The following DLG2 variants were observed in gnomAD, a reference collection of about 807,000 sequenced individuals.
DLG2 encodes discs large MAGUK scaffold protein 2, also known as disks large homolog 2.
A neutral mutation model predicts 132.5 loss-of-function variants in DLG2; 45 were observed. The observed-to-expected ratio is 0.34, with a 90% CI of 0.27 to 0.44. The LOEUF is 0.44. DLG2 is among the 20% of genes least tolerant of loss of function. The pLI is 1.00. For missense variants in DLG2, 1,045 were observed against 1,196.9 expected, an observed-to-expected ratio of 0.87 and a Z score of 1.87; for synonymous variants, 424 against 419.6, an observed-to-expected ratio of 1.01 and a Z score of -0.13.
chr11:84,299,005 C>A (rs2098123751), intron 7 of DLG2, among the ~76,000 whole-genome samples: 1 of 152,164 alleles, frequency 6.6e-6, no homozygotes, highest in Admixed American at 6.5e-5. Context: ...ATGAGATGTT[C>A]ATAAATAAAC....
At chr11:85,260,493 G>A (rs972885106) in intron 4 of DLG2, among the ~76,000 whole-genome samples, 2 of 152,056 alleles carry the variant, frequency 1.3e-5, no homozygotes, top group Non-Finnish European at 2.9e-5. Flanking sequence ...GGTCACTTTT[G>A]GTTGTACCTC....
rs147611016 is a variant in DLG2, at chr11:84,382,906, C to T, written c.520-131615G>A. Among the ~76,000 whole-genome samples the T allele has an allele frequency of 2.4e-3, 365 of 151,852 alleles. 3 individuals carry two copies. Among genetic ancestry groups the T allele is most frequent in the Non-Finnish European group, 3.8e-3 (258 of 67,908 alleles). On this transcript the variant is annotated intron_variant, in intron 7 of 27. Transcript: ENST00000376104. Reference sequence around the variant, plus strand: ...AAAGTTCCCATATCCAGATGCTACTCTACTGCTTGAATTCAGTCTTCCATA... The same window carrying T: ...AAAGTTCCCATATCCAGATGCTACTTTACTGCTTGAATTCAGTCTTCCATA...
intron 19 of DLG2, among the ~76,000 whole-genome samples, chr11:83,562,257 TATATAGTTAAAGTGACGCTTTAACTCTTA>T (rs1358558936): frequency 2.0e-5 from 3 of 152,012 alleles, no homozygotes; most frequent in Non-Finnish European, 4.4e-5. Context: ...TATACACTCT[TATATAGTTAAAGTGACGCTTTAACTCTTA>T]GAATCAACAC....
At chr11:85,582,690 A>C (rs1346898309) in intron 3 of DLG2, among the ~76,000 whole-genome samples, 1 of 139,666 alleles carries the variant, frequency 7.2e-6, no homozygotes, top group Non-Finnish European at 1.6e-5. Context: ...AAAAAAAAAA[A>C]AAAAAAAAAA....
At chr11:84,708,434 C>T (rs926726246) in intron 6 of DLG2, among the ~76,000 whole-genome samples, 7 of 151,856 alleles carry the variant, frequency 4.6e-5, no homozygotes, top group African/African-American at 1.4e-4. Flanking sequence ...AACCTTATGA[C>T]CACTTTCTCT....
At chr11:84,862,818 G>GT (rs1555265802) in intron 6 of DLG2, among the ~76,000 whole-genome samples, 1 of 15,346 alleles carries the variant, frequency 6.5e-5, no homozygotes, top group African/African-American at 2.9e-4. Context: ...AGGTCCTGTC[G>GT]GGGGGGGGGG....
intron 8 of DLG2, among the ~76,000 whole-genome samples, chr11:84,207,081 C>CTCTCTCTA (rs148707321): frequency 1.2e-3 from 181 of 146,992 alleles, no homozygotes; most frequent in Admixed American, 3.8e-3. Context: ...CTCTCTCTCT[C>CTCTCTCTA]TATATATATA....
chr11:85,442,064 GAC>G lies in DLG2; in HGVS notation c.40+156591_40+156592del, dbSNP rs1220440047. On this transcript the variant is annotated intron_variant, in intron 3 of 27. Coordinates refer to ENST00000376104, the MANE Select transcript of DLG2 (RefSeq NM_001142699.3). ...GTAAAAGCTGTTAGGGACAAGCTGA[GAC>G]ACAATGAGCAAGGAAATAAGTGGCA... Among the ~76,000 whole-genome samples the G allele has an allele frequency of 2.6e-5, 4 of 152,006 alleles. No individual in the cohort carries two copies. In the East Asian group the frequency reaches 5.8e-4, roughly 22 times the overall value.
intron 21 of DLG2, among the ~76,000 whole-genome samples, chr11:83,511,932 G>A (rs965062490): frequency 6.6e-6 from 1 of 152,010 alleles, no homozygotes; most frequent in Non-Finnish European, 1.5e-5. Flanking sequence ...ATTTCCCTAC[G>A]TGTGTCCCTT....
intron 3 of DLG2, among the ~76,000 whole-genome samples, chr11:85,518,592 C>A (rs183585407): frequency 4.2e-4 from 64 of 152,252 alleles, no homozygotes; most frequent in African/African-American, 1.5e-3. Flanking sequence ...AAATTTGCAG[C>A]CTGACAATGT....
intron 6 of DLG2, among the ~76,000 whole-genome samples, chr11:84,576,114 A>C (rs1167103841): frequency 6.6e-6 from 1 of 152,184 alleles, no homozygotes; most frequent in Non-Finnish European, 1.5e-5. Flanking sequence ...TAAACTTATT[A>C]GCACTTTTCC....
At chr11:83,694,120 G>T (rs2081459952) in intron 18 of DLG2, among the ~76,000 whole-genome samples, 1 of 152,192 alleles carries the variant, frequency 6.6e-6, no homozygotes, top group African/African-American at 2.4e-5. Context: ...GTTAAGCAAA[G>T]CCGTGTCCCC....
chr11:84,477,762 T>C (rs999856490), intron 7 of DLG2, among the ~76,000 whole-genome samples: 3 of 152,192 alleles, frequency 2.0e-5, no homozygotes, highest in African/African-American at 7.2e-5. Flanking sequence ...ATGAACATTG[T>C]CATGTTAAAT....
At chr11:85,400,039 A>T (rs1248860262) in intron 3 of DLG2, among the ~76,000 whole-genome samples, 1 of 151,964 alleles carries the variant, frequency 6.6e-6, no homozygotes, top group Admixed American at 6.6e-5. Context: ...TCATCTGACA[A>T]AGGGCTAATA....
intron 3 of DLG2, among the ~76,000 whole-genome samples, chr11:85,418,623 C>T (rs2090053052): frequency 6.6e-6 from 1 of 152,176 alleles, no homozygotes. Context: ...AATCTCAGTG[C>T]TCCTGTATTA....
At chr11:84,235,598 G>A (rs887438324) in intron 8 of DLG2, among the ~76,000 whole-genome samples, 4 of 151,866 alleles carry the variant, frequency 2.6e-5, no homozygotes, top group Admixed American at 1.3e-4. Flanking sequence ...ATGTATACTC[G>A]CAAATTTCCT....
chr11:84,175,505 A>G (rs1216143252), intron 8 of DLG2, among the ~76,000 whole-genome samples: 1 of 152,152 alleles, frequency 6.6e-6, no homozygotes, highest in Non-Finnish European at 1.5e-5. Flanking sequence ...GAACTGCCTT[A>G]ATTTCTCTCT....
chr11:83,474,016 T>A (rs1279476840), intron 22 of DLG2, among the ~76,000 whole-genome samples: 1 of 152,032 alleles, frequency 6.6e-6, no homozygotes, highest in Non-Finnish European at 1.5e-5. Flanking sequence ...GGCCTCAGGC[T>A]GAAGTCATAT....
At chr11:84,370,266 C>T (rs529352815) in intron 7 of DLG2, among the ~76,000 whole-genome samples, 1 of 152,004 alleles carries the variant, frequency 6.6e-6, no homozygotes, top group Non-Finnish European at 1.5e-5. Context: ...TTTTTTTCAA[C>T]TTTATTAGGT....
Sources: gnomAD v4.1 joint callset for allele counts (sites outside exome capture counted in the v4.1 genomes callset) on GRCh38, gnomAD v4.1.1 for gene constraint, MANE v1.5 for transcripts, NCBI Gene and HGNC (gene_info 2026-07-23, HGNC 2026-07-21) for gene names.